Variants in ACSL3 observed in about 807,000 individuals in gnomAD.
ACSL3 encodes the protein fatty acid CoA ligase Acsl3.
In ACSL3, 34 loss-of-function variants were observed where a neutral mutation model predicts 84.7. The observed-to-expected ratio is 0.40, with a 90% CI of 0.31 to 0.53. ACSL3 has a LOEUF of 0.53. Ranked by LOEUF, ACSL3 falls within the 20% of genes least tolerant of loss-of-function variation. The pLI, the probability that ACSL3 is intolerant of heterozygous loss-of-function variation, is 0.48. For missense variants in ACSL3, 680 were observed against 873.1 expected, an observed-to-expected ratio of 0.78 and a Z score of 2.79; for synonymous variants, 315 against 299.4, an observed-to-expected ratio of 1.05 and a Z score of -0.54.
At chr2:222,913,517 CA>C (rs1696497193) in intron 4 of ACSL3, among the ~76,000 whole-genome samples, 1 of 152,056 alleles carries the variant, frequency 6.6e-6, no homozygotes, top group African/African-American at 2.4e-5. Context: ...TTGTTGAAGC[CA>C]AAAAATCAGG....
intron 13 of ACSL3, among the ~76,000 whole-genome samples, chr2:222,929,219 A>G (rs1373756858): frequency 6.6e-6 from 1 of 152,248 alleles, no homozygotes; most frequent in African/African-American, 2.4e-5. Context: ...ATGTCAATAA[A>G]TTAGGAGTGA....
chr2:222,880,159 G>A (rs1695553756), intron 1 of ACSL3, among the ~76,000 whole-genome samples: 2 of 152,092 alleles, frequency 1.3e-5, no homozygotes, highest in Admixed American at 1.3e-4. Flanking sequence ...GTTTTGATAT[G>A]GAATAGGGCA....
At chr2:222,871,484 G>T (rs1208074281) in intron 1 of ACSL3, among the ~76,000 whole-genome samples, 1 of 152,118 alleles carries the variant, frequency 6.6e-6, no homozygotes, top group Non-Finnish European at 1.5e-5. Context: ...ATCACTAGGG[G>T]CCCAGTAGGC....
At chr2:222,930,531 T>A in intron 13 of ACSL3, 90 bp from the exon 14 acceptor site, 1 of 1,129,734 alleles carries the variant, frequency 8.9e-7, no homozygotes, top group Non-Finnish European at 1.2e-6. Context: ...CTAATTGGAT[T>A]AAAATAAGAT....
chr2:222,938,272 T>C (rs1006453554), intron 16 of ACSL3, among the ~76,000 whole-genome samples: 4 of 152,310 alleles, frequency 2.6e-5, no homozygotes, highest in African/African-American at 9.6e-5. Flanking sequence ...TAGTTTCTTA[T>C]GGTTTTGTGT....
At chr2:222,925,153 G>A (rs955904593) in intron 11 of ACSL3, among the ~76,000 whole-genome samples, 3 of 151,322 alleles carry the variant, frequency 2.0e-5, no homozygotes, top group South Asian at 4.2e-4. Context: ...CCTGGCCAAC[G>A]TGACAAAACC....
In ACSL3 at chr2:222,942,982, AGAT is replaced by A. The variant is rs895404831; in HGVS notation, c.*1330_*1332del. The stretch of plus-strand genomic sequence containing the variant: ...ATCAAAAGCAATAGTGCACCAATTA[AGAT>A]GTGCTCAAATCAGGACTTAAATCAT... On this transcript the variant is annotated 3_prime_UTR_variant, in exon 17 of 17. Transcript: ENST00000357430. 165 of 225,282 alleles carry A rather than the reference AGAT, an allele frequency of 7.3e-4. 1 individual carries two copies. Among genetic ancestry groups the A allele is most frequent in the Admixed American group, 2.9e-4 (5 of 17,522 alleles). 14.0% of individuals were successfully genotyped at this position (225,282 alleles called of 1,614,324 possible).
chr2:222,908,093 C>T (rs542576150), intron 3 of ACSL3, among the ~76,000 whole-genome samples: 6 of 152,296 alleles, frequency 3.9e-5, no homozygotes, highest in East Asian at 1.9e-4. Flanking sequence ...CTGTTACTTT[C>T]GCAGTGCTTA....
At chr2:222,870,355 A>G (rs1286101590) in intron 1 of ACSL3, among the ~76,000 whole-genome samples, 2 of 152,058 alleles carry the variant, frequency 1.3e-5, no homozygotes, top group African/African-American at 4.8e-5. Flanking sequence ...TCCTCTTTTG[A>G]CATCTCAATA....
At chr2:222,909,256 G>C (rs1470261610) in intron 4 of ACSL3, 106 bp downstream of exon 4, 1 of 1,162,832 alleles carries the variant, frequency 8.6e-7, no homozygotes, top group African/African-American at 1.6e-5. Context: ...CGCTGTTGAA[G>C]GAGAAGCAGT....
At chr2:222,934,745 C>T in intron 16 of ACSL3, 58 bp downstream of exon 16, 1 of 1,547,504 alleles carries the variant, frequency 6.5e-7, no homozygotes, top group Non-Finnish European at 8.8e-7. Context: ...TACTTACATG[C>T]ATTCAACCTG....
At chr2:222,921,952 T>G (rs771440243) in intron 8 of ACSL3, among the ~76,000 whole-genome samples, 1 of 152,128 alleles carries the variant, frequency 6.6e-6, no homozygotes, top group Admixed American at 6.5e-5. Context: ...TAGGGTACAG[T>G]GGTTGGATAT....
intron 1 of ACSL3, among the ~76,000 whole-genome samples, chr2:222,877,212 G>A (rs921639988): frequency 2.0e-5 from 3 of 152,208 alleles, no homozygotes; most frequent in Non-Finnish European, 2.9e-5. Flanking sequence ...TCAAAGGATT[G>A]AAGTGAAAGA....
intron 14 of ACSL3, 83 bp downstream of exon 14, chr2:222,930,895 G>A (rs997851045): frequency 5.8e-5 from 70 of 1,213,246 alleles, no homozygotes; most frequent in African/African-American, 4.4e-4. Context: ...AGGAGGCGCT[G>A]AATAATATAA....
chr2:222,902,650 A>T (rs1048195525), intron 3 of ACSL3, among the ~76,000 whole-genome samples: 1 of 152,228 alleles, frequency 6.6e-6, no homozygotes, highest in African/African-American at 2.4e-5. Context: ...GACACATTGA[A>T]GGATGAGGAG....
intron 2 of ACSL3, among the ~76,000 whole-genome samples, chr2:222,894,500 A>C (rs2106105591): frequency 6.6e-6 from 1 of 152,350 alleles, no homozygotes; most frequent in African/African-American, 2.4e-5. Flanking sequence ...TTGTTTGCTC[A>C]TCTTTATTGT....
At chr2:222,871,656 C>T (rs780562146) in intron 1 of ACSL3, among the ~76,000 whole-genome samples, 10 of 152,036 alleles carry the variant, frequency 6.6e-5, no homozygotes, top group African/African-American at 2.2e-4. Flanking sequence ...AGCAAGTGCT[C>T]GGGAGTCCTC....
At chr2:222,884,892 G>C (rs1023307215) in intron 1 of ACSL3, among the ~76,000 whole-genome samples, 1 of 152,140 alleles carries the variant, frequency 6.6e-6, no homozygotes, top group African/African-American at 2.4e-5. Context: ...CATCAACTCA[G>C]TTTATAGTGA....
At chr2:222,937,271 A>AT (rs1697198229) in intron 16 of ACSL3, among the ~76,000 whole-genome samples, 2 of 151,780 alleles carry the variant, frequency 1.3e-5, no homozygotes, top group East Asian at 1.9e-4. Flanking sequence ...TTTCGTGTTG[A>AT]TTTTTTTTAT....
Sources: allele counts gnomAD v4.1 joint callset (sites outside exome capture counted in the v4.1 genomes callset), GRCh38; gene constraint gnomAD v4.1.1; transcripts MANE v1.5; gene names NCBI Gene and HGNC (gene_info 2026-07-23, HGNC 2026-07-21).